Variants in PIK3R1 observed in about 807,000 individuals in gnomAD.
PIK3R1 encodes the protein phosphoinositide-3-kinase regulatory subunit 1, also known as phosphatidylinositol 3-kinase regulatory subunit alpha.
A neutral mutation model predicts 98.0 loss-of-function variants in PIK3R1; 29 were observed. That is an observed-to-expected ratio of 0.30 (90% CI 0.22 to 0.40). PIK3R1 has a LOEUF of 0.40. PIK3R1 is among the 10% of genes least tolerant of loss of function. The probability of loss-of-function intolerance (pLI) is 1.00; values close to 1 mark genes in which losing one functional copy is unlikely to be tolerated. For missense variants in PIK3R1, 596 were observed against 872.7 expected, an observed-to-expected ratio of 0.68 and a Z score of 3.99; for synonymous variants, 282 against 311.8, an observed-to-expected ratio of 0.90 and a Z score of 1.01.
chr5:68,281,223 G>A lies in PIK3R1; in HGVS notation c.916+217G>A, dbSNP rs3730086. Among the ~76,000 whole-genome samples, 33,156 of 152,022 alleles carry A rather than the reference G, an allele frequency of 0.22. 3,769 individuals are homozygous for A. The highest frequency in any genetic ancestry group is 0.26 in the South Asian group (1,231 of 4,822). On this transcript the variant is annotated intron_variant, in intron 7 of 15. Transcript: ENST00000521381. ...ACATTTGTGGATTTTAAATTATCTT[G>A]GTTTTAGGTGAGAGTTTGGAGAGTT...
intron 1 of PIK3R1, among the ~76,000 whole-genome samples, chr5:68,216,854 A>C (rs886886070): frequency 6.6e-6 from 1 of 152,222 alleles, no homozygotes. Context: ...CCTGTACAGA[A>C]ATACACTTTG....
chr5:68,301,335 G>A lies in PIK3R1; in HGVS notation c.*3734G>A, dbSNP rs1489821784. The A allele has an allele frequency of 1.5e-5, 2 of 133,806 alleles. No homozygotes were observed. The highest frequency in any genetic ancestry group is 3.0e-5 in the African/African-American group (1 of 33,004). 8.3% of individuals were successfully genotyped at this position (133,806 alleles called of 1,614,324 possible). A position where few individuals can be genotyped will look rare whatever the true frequency, so the allele number is the denominator to read the frequency against. ...CCATGAGATAGCATTAGCTGCCCAG[G>A]ATGCTGCTATATATATATATATATA... On this transcript the variant is annotated 3_prime_UTR_variant, in exon 16 of 16. Coordinates refer to ENST00000521381, the MANE Select transcript of PIK3R1 (RefSeq NM_181523.3).
chr5:68,280,397 C>T (rs2112192844), intron 5 of PIK3R1, 131 bp from the exon 6 acceptor site: 1 of 681,194 alleles, frequency 1.5e-6, no homozygotes, highest in Non-Finnish European at 2.6e-6. Flanking sequence ...GTACTGTGTG[C>T]TTCTCCCAAC....
intron 2 of PIK3R1, among the ~76,000 whole-genome samples, chr5:68,258,170 G>C (rs895453239): frequency 1.3e-5 from 2 of 152,280 alleles, no homozygotes; most frequent in South Asian, 2.1e-4. Flanking sequence ...ACAGCACGAG[G>C]TGCTAAATTG....
At position 68,298,530 on chromosome 5, in the gene PIK3R1, T is replaced by TTTTG; in HGVS notation, c.*932_*935dup. 8.6e-6 allele frequency: 2 copies of TTTTG among 233,310 alleles called. No individual in the cohort carries two copies. Among genetic ancestry groups the TTTTG allele is most frequent in the South Asian group, 1.8e-4 (1 of 5,522 alleles). The allele number at this position is 233,310 out of a possible 1,614,324, so 14.5% of individuals were successfully genotyped here. A position where few individuals can be genotyped will look rare whatever the true frequency, so the allele number is the denominator to read the frequency against. ...GTCCCGGATTTTTGTTAATATTCAT[T>TTTTG]TTTGTTATCCTTTTTTAAAAGTAAA... On this transcript the variant is annotated 3_prime_UTR_variant, in exon 16 of 16. Coordinates refer to ENST00000521381, the MANE Select transcript of PIK3R1 (RefSeq NM_181523.3).
chr5:68,294,819 G>T, intron 12 of PIK3R1, 141 bp downstream of exon 12: 1 of 516,292 alleles, frequency 1.9e-6, no homozygotes, highest in East Asian at 3.5e-5. Flanking sequence ...GTGGGGTGGG[G>T]GGAGGAGGGA....
intron 2 of PIK3R1, among the ~76,000 whole-genome samples, chr5:68,239,357 C>A (rs1275771171): frequency 6.6e-6 from 1 of 151,970 alleles, no homozygotes; most frequent in Non-Finnish European, 1.5e-5. Flanking sequence ...CTATATATGA[C>A]TACTTTAAAG....
chr5:68,273,930 G>A lies in PIK3R1; in HGVS notation c.428-9G>A. ...GCATACATGGTCTGTGGTCTGTTTT[G>A]TGTCCTAGGTCTGGAATGTTCAACT... On this transcript the variant is annotated splice_polypyrimidine_tract_variant and intron_variant, in intron 3 of 15. Transcript: ENST00000521381. The A allele has an allele frequency of 1.2e-6, 2 of 1,611,578 alleles. No homozygotes were observed. The highest frequency in any genetic ancestry group is 1.7e-6 in the Non-Finnish European group (2 of 1,177,740).
At chr5:68,295,696 G>A in intron 14 of PIK3R1, 1 of 583,548 alleles carries the variant, frequency 1.7e-6, no homozygotes, top group Non-Finnish European at 3.1e-6. Flanking sequence ...TACTCATAAT[G>A]CTGTGAAACA....
chr5:68,280,502 C>CTT (rs74634187), intron 5 of PIK3R1, 26 bp from the exon 6 acceptor site: 469 of 1,285,944 alleles, frequency 3.6e-4, no homozygotes, highest in African/African-American at 5.3e-4. Flanking sequence ...ACTCATTTCT[C>CTT]TTTTTTTTTT....
intron 5 of PIK3R1, chr5:68,280,293 CT>C (rs931386341): frequency 1.8e-6 from 1 of 553,856 alleles, no homozygotes; most frequent in African/African-American, 1.9e-5. Flanking sequence ...CCCTGAACAG[CT>C]TGTGGTTTCT....
At chr5:68,294,799 G>A in intron 12 of PIK3R1, 121 bp downstream of exon 12, 1 of 627,428 alleles carries the variant, frequency 1.6e-6, no homozygotes, top group South Asian at 3.0e-5. Context: ...ATATCACTCT[G>A]GGGACTGTGG....
At chr5:68,260,425 A>G (rs886833340) in intron 2 of PIK3R1, among the ~76,000 whole-genome samples, 1 of 152,120 alleles carries the variant, frequency 6.6e-6, no homozygotes, top group Non-Finnish European at 1.5e-5. Context: ...CTGTGCATGC[A>G]TGGGTTAAAA....
chr5:68,274,906 G>C (rs1746509138), intron 4 of PIK3R1, among the ~76,000 whole-genome samples: 1 of 152,140 alleles, frequency 6.6e-6, no homozygotes, highest in Admixed American at 6.5e-5. Context: ...ACTGAAATTA[G>C]GTGTTTAAGC....
intron 2 of PIK3R1, among the ~76,000 whole-genome samples, chr5:68,247,483 G>A (rs1308442415): frequency 6.6e-6 from 1 of 151,984 alleles, no homozygotes; most frequent in Non-Finnish European, 1.5e-5. Context: ...GTAGAGATGG[G>A]GTTTCACCAT....
intron 5 of PIK3R1, 144 bp downstream of exon 5, chr5:68,279,877 C>G: frequency 2.6e-6 from 2 of 755,570 alleles, no homozygotes. Context: ...CTCAAATTTC[C>G]TCCTCCACCC....
intron 2 of PIK3R1, among the ~76,000 whole-genome samples, chr5:68,247,084 C>G (rs949058718): frequency 3.9e-5 from 6 of 152,156 alleles, no homozygotes; most frequent in African/African-American, 1.4e-4. Flanking sequence ...AAATAGAATT[C>G]TTTCAGCGGT....
At position 68,226,562 on chromosome 5, in the gene PIK3R1, G is replaced by A; in HGVS notation, c.-114G>A. On this transcript the variant is annotated 5_prime_UTR_variant, in exon 2 of 16. Transcript: ENST00000521381. ...GGAGAGTGGTCCTTTGTCCTCTGCTGGACACATAATAGGAATTCTAACACA... is the reference window on the plus strand; with the variant it reads ...GGAGAGTGGTCCTTTGTCCTCTGCTAGACACATAATAGGAATTCTAACACA... The A allele has an allele frequency of 2.4e-6, 2 of 844,532 alleles. No homozygotes were observed. The highest frequency in any genetic ancestry group is 5.2e-5 in the East Asian group (2 of 38,382). 52.3% of individuals were successfully genotyped at this position (844,532 alleles called of 1,614,324 possible). A position where few individuals can be genotyped will look rare whatever the true frequency, so the allele number is the denominator to read the frequency against.
Position 68,281,017 on chromosome 5 carries a change from T to C in PIK3R1, c.916+11T>C. 6.4e-7 allele frequency: 1 copy of C among 1,562,842 alleles called. No individual in the cohort carries two copies. The highest frequency in any genetic ancestry group is 8.7e-7 in the Non-Finnish European group (1 of 1,146,610). On this transcript the variant is annotated intron_variant, in intron 7 of 15. Transcript: ENST00000521381. ...GACAGCCTGCACCAGGTAATGCTTT[T>C]TGAGCATTTAACATTCTCTCATTGT...
Sources: allele counts gnomAD v4.1 joint callset (sites outside exome capture counted in the v4.1 genomes callset), GRCh38; gene constraint gnomAD v4.1.1; transcripts MANE v1.5; gene names NCBI Gene and HGNC (gene_info 2026-07-23, HGNC 2026-07-21).